The following MPZL3 variants were observed in gnomAD, a reference collection of about 807,000 sequenced individuals.
The protein encoded by MPZL3 is myelin protein zero-like protein 3.
MPZL3 carries 23 observed loss-of-function variants against 24.8 expected under a neutral mutation model. The ratio of observed to expected loss-of-function variants is 0.93; its 90% CI spans 0.67 to 1.31. The LOEUF is 1.31. Ranked by LOEUF, MPZL3 falls within the 40% of genes most tolerant of loss-of-function variation. MPZL3 has a pLI of 0.00. For synonymous variants in MPZL3, 99 were observed against 106.5 expected (o/e 0.93, Z 0.44); for missense variants, 277 against 294.9 (o/e 0.94, Z 0.44).
At chr11:118,237,304 G>T (rs1277150145) in intron 2 of MPZL3, 44 bp from the exon 3 acceptor site, 3 of 1,558,186 alleles carry the variant, frequency 1.9e-6, no homozygotes, top group Non-Finnish European at 1.8e-6. Flanking sequence ...CTTGGAAAAT[G>T]CAATGAAAAT....
At chr11:118,246,906 C>A (rs1949562480) in intron 1 of MPZL3, among the ~76,000 whole-genome samples, 2 of 151,970 alleles carry the variant, frequency 1.3e-5, no homozygotes, top group Non-Finnish European at 2.9e-5. Flanking sequence ...TTCGAAGGGA[C>A]TTTTCCCAAG....
In MPZL3 at chr11:118,240,392, C is replaced by A. The variant is rs199892706; in HGVS notation, c.74-15G>T. Reference sequence around the variant, plus strand: ...GATATAAACACCTAATCAAAGCAAACCCAAACACTTAAAATGCATTCATGT... The same window carrying A: ...GATATAAACACCTAATCAAAGCAAAACCAAACACTTAAAATGCATTCATGT... On this transcript the variant is annotated splice_polypyrimidine_tract_variant and intron_variant, in intron 1 of 5. Coordinates refer to ENST00000278949, the MANE Select transcript of MPZL3 (RefSeq NM_198275.3). The A allele has an allele frequency of 5.0e-5, 80 of 1,595,628 alleles. No individual in the cohort carries two copies. The highest frequency in any genetic ancestry group is 5.0e-5 in the Non-Finnish European group (59 of 1,173,578).
chr11:118,249,864 C>T (rs1949599115), intron 1 of MPZL3, among the ~76,000 whole-genome samples: 1 of 152,066 alleles, frequency 6.6e-6, no homozygotes, highest in African/African-American at 2.4e-5. Context: ...GGCAAATAAA[C>T]ACTGACATGA....
intron 4 of MPZL3, among the ~76,000 whole-genome samples, chr11:118,234,394 G>C (rs1443739444): frequency 6.6e-6 from 1 of 152,156 alleles, no homozygotes; most frequent in African/African-American, 2.4e-5. Flanking sequence ...TATTTCAGCT[G>C]GGTCTTGGAG....
Position 118,226,738 on chromosome 11 carries a change from C to T in MPZL3, c.*3156G>A, listed in dbSNP as rs549905449. ...TATTGACTATGATGCAGTAAAGATA[C>T]CAAGAGTTACAATATTTGTGCATAT... On this transcript the variant is annotated 3_prime_UTR_variant, in exon 6 of 6. Coordinates refer to ENST00000278949, the MANE Select transcript of MPZL3 (RefSeq NM_198275.3). The T allele has an allele frequency of 2.0e-5, 3 of 152,208 alleles. No homozygotes were observed. In the East Asian group the frequency reaches 5.8e-4, roughly 29 times the overall value. 9.4% of individuals were successfully genotyped at this position (152,208 alleles called of 1,614,324 possible).
chr11:118,234,533 C>T (rs1949395862), intron 4 of MPZL3, among the ~76,000 whole-genome samples: 1 of 152,076 alleles, frequency 6.6e-6, no homozygotes, highest in South Asian at 2.1e-4. Flanking sequence ...TGTTAGGGCA[C>T]ATAAATAAGT....
At chr11:118,233,719 C>T (rs1036689931) in intron 4 of MPZL3, among the ~76,000 whole-genome samples, 196 bp from the exon 5 acceptor site, 6 of 152,126 alleles carry the variant, frequency 3.9e-5, no homozygotes, top group African/African-American at 1.4e-4. Context: ...ATTGGCCAGG[C>T]GCAGTGGCTC....
rs889432868 is a variant in MPZL3 at position 118,226,832 on chromosome 11, T to C, written c.*3062A>G. ...AAAAAAGGCAATGAGGTGCAGCAGT[T>C]AACAGCCCAACACTGGAGTCAAAGG... On this transcript the variant is annotated 3_prime_UTR_variant, in exon 6 of 6. Coordinates refer to ENST00000278949, the MANE Select transcript of MPZL3 (RefSeq NM_198275.3). 1.3e-5 allele frequency: 2 copies of C among 152,236 alleles called. No individual in the cohort carries two copies. Among genetic ancestry groups the C allele is most frequent in the Non-Finnish European group, 2.9e-5 (2 of 68,056 alleles). The allele number at this position is 152,236 out of a possible 1,614,324, so 9.4% of individuals were successfully genotyped here.
intron 3 of MPZL3, among the ~76,000 whole-genome samples, chr11:118,235,967 T>C (rs1949421176): frequency 6.6e-6 from 1 of 152,256 alleles, no homozygotes; most frequent in South Asian, 2.1e-4. Flanking sequence ...CTGCATAGCA[T>C]TCTATCACAT....
At chr11:118,244,098 T>C (rs1793163) in intron 1 of MPZL3, among the ~76,000 whole-genome samples, 118,590 of 152,096 alleles carry the variant, frequency 0.78, 46,808 homozygotes, top group African/African-American at 0.9. Flanking sequence ...CAGTAGACAC[T>C]TTTCTATACT....
At chr11:118,244,852 G>A (rs1949539616) in intron 1 of MPZL3, among the ~76,000 whole-genome samples, 1 of 152,164 alleles carries the variant, frequency 6.6e-6, no homozygotes, top group African/African-American at 2.4e-5. Flanking sequence ...CGAGGCGGGT[G>A]GATCACGAGT....
chr11:118,249,993 TTTTATTTA>T (rs57620094), intron 1 of MPZL3, among the ~76,000 whole-genome samples: 2 of 149,048 alleles, frequency 1.3e-5, no homozygotes, highest in African/African-American at 5.0e-5. Context: ...TTTACTTTAT[TTTTATTTA>T]TTTATTTATT....
rs1949316771 is a variant in MPZL3, at chr11:118,229,203, A to G, written c.*691T>C. 6.6e-6 allele frequency: 1 copy of G among 152,130 alleles called. No homozygotes were observed. The highest frequency in any genetic ancestry group is 1.5e-5 in the Non-Finnish European group (1 of 68,026). 9.4% of individuals were successfully genotyped at this position (152,130 alleles called of 1,614,324 possible). On this transcript the variant is annotated 3_prime_UTR_variant, in exon 6 of 6. Coordinates refer to ENST00000278949, the MANE Select transcript of MPZL3 (RefSeq NM_198275.3). ...AGCCCAAATTGTACCAGCAAGACTA[A>G]AGAAAATAATTTTTCTACTTCACGA...
intron 1 of MPZL3, among the ~76,000 whole-genome samples, chr11:118,246,988 T>C (rs547177557): frequency 2.0e-3 from 174 of 87,068 alleles, no homozygotes; most frequent in African/African-American, 5.1e-3. Context: ...GGAAATGGTG[T>C]TACTAGATCC....
Position 118,227,458 on chromosome 11 carries a change from T to C in MPZL3, c.*2436A>G, listed in dbSNP as rs1591486923. 6.6e-6 allele frequency: 1 copy of C among 152,342 alleles called. No homozygotes were observed. 9.4% of individuals were successfully genotyped at this position (152,342 alleles called of 1,614,324 possible). A position where few individuals can be genotyped will look rare whatever the true frequency, so the allele number is the denominator to read the frequency against. ...GAAGGCAGGTGTCTGTACACTGCTT[T>C]GTGATCCTTCGAAGAATAAAAAGCT... is the stretch of plus-strand genomic sequence containing the variant. On this transcript the variant is annotated 3_prime_UTR_variant, in exon 6 of 6. Coordinates refer to ENST00000278949, the MANE Select transcript of MPZL3 (RefSeq NM_198275.3).
At position 118,235,571 on chromosome 11, in the gene MPZL3, G is replaced by A. The variant is rs371663195; in HGVS notation, c.470C>T (p.Ser157Phe). The part of the protein sequence containing the change: ...VTERGFGTML[S>F]SVALLSILVF... The stretch of plus-strand genomic sequence containing the variant: ...AAGGATGGAAAGAAGGGCCACAGAG[G>A]AAAGCATGGTGCCAAAACCTAGAGG... The change falls in exon 4 of 6, where the codon TCC (serine) becomes TTC (phenylalanine). Residue 157 changes from serine (S) to phenylalanine (F), a missense_variant. Ser to Phe is a radical substitution (Grantham distance 155). Coordinates refer to ENST00000278949, the MANE Select transcript of MPZL3 (RefSeq NM_198275.3). 3 of 1,613,748 alleles carry A rather than the reference G, an allele frequency of 1.9e-6. No individual in the cohort carries two copies. Among genetic ancestry groups the A allele is most frequent in the African/African-American group, 2.7e-5 (2 of 74,888 alleles).
At chr11:118,232,674 G>C (rs1050350975) in intron 5 of MPZL3, among the ~76,000 whole-genome samples, 6 of 152,064 alleles carry the variant, frequency 3.9e-5, no homozygotes, top group Non-Finnish European at 1.5e-5. Context: ...GTTGGTATTA[G>C]GTCCTCTGCA....
chr11:118,238,659 T>C (rs1049110537), intron 2 of MPZL3, among the ~76,000 whole-genome samples: 6 of 152,240 alleles, frequency 3.9e-5, no homozygotes, highest in African/African-American at 1.2e-4. Context: ...GACTCACTTA[T>C]TCATTCATTT....
At position 118,252,304 on chromosome 11, in the gene MPZL3, T is replaced by A. The variant is rs753301179; in HGVS notation, c.-10A>T. On this transcript the variant is annotated 5_prime_UTR_variant, in exon 1 of 6. Coordinates refer to ENST00000278949, the MANE Select transcript of MPZL3 (RefSeq NM_198275.3). ...CTCCTCTCTGCTGCATCCCGGCAGC[T>A]CTTCAGATGCTTGCACACCTTGTTT... is the stretch of plus-strand genomic sequence containing the variant. 4 of 1,613,580 alleles carry A rather than the reference T, an allele frequency of 2.5e-6. No individual in the cohort carries two copies. In the Admixed American group the frequency reaches 5.0e-5, roughly 20 times the overall value.
Sources: gnomAD v4.1 joint callset for allele counts (sites outside exome capture counted in the v4.1 genomes callset) on GRCh38, gnomAD v4.1.1 for gene constraint, MANE v1.5 for transcripts, NCBI Gene and HGNC (gene_info 2026-07-23, HGNC 2026-07-21) for gene names.